Variants in CNTN4 observed in about 807,000 individuals in gnomAD.
CNTN4 encodes the protein contactin 4, also known as contactin-4.
A neutral mutation model predicts 122.5 loss-of-function variants in CNTN4; 77 were observed. That is an observed-to-expected ratio of 0.63 (90% CI 0.52 to 0.76). The LOEUF is 0.76. Ranked by LOEUF, CNTN4 falls within the 30% of genes least tolerant of loss-of-function variation. The pLI, the probability that CNTN4 is intolerant of heterozygous loss-of-function variation, is 0.00. For synonymous variants in CNTN4, 512 were observed against 447.0 expected (o/e 1.15, Z -1.83); for missense variants, 1,256 against 1,259.1 (o/e 1.00, Z 0.04).
intron 8 of CNTN4, among the ~76,000 whole-genome samples, chr3:2,868,536 A>G (rs2093749559): frequency 6.6e-6 from 1 of 152,230 alleles, no homozygotes; most frequent in African/African-American, 2.4e-5. Context: ...TGAACCTTCC[A>G]GAACAAAGTA....
intron 3 of CNTN4, among the ~76,000 whole-genome samples, chr3:2,438,678 C>T (rs959363820): frequency 6.6e-6 from 1 of 152,168 alleles, no homozygotes. Context: ...TGACTCAGTA[C>T]AGTTAATGAT....
intron 3 of CNTN4, among the ~76,000 whole-genome samples, chr3:2,476,262 A>G (rs2075831291): frequency 6.6e-6 from 1 of 152,178 alleles, no homozygotes; most frequent in East Asian, 1.9e-4. Flanking sequence ...GAGGCAGAGT[A>G]GGTTAAGTAC....
At chr3:2,789,808 A>G (rs902486242) in intron 6 of CNTN4, among the ~76,000 whole-genome samples, 1 of 152,232 alleles carries the variant, frequency 6.6e-6, no homozygotes, top group Non-Finnish European at 1.5e-5. Context: ...TTAAAAAGCT[A>G]AATTAGAGGA....
chr3:2,164,281 C>T (rs1411692847), intron 2 of CNTN4, among the ~76,000 whole-genome samples: 2 of 151,050 alleles, frequency 1.3e-5, no homozygotes, highest in Non-Finnish European at 2.9e-5. Flanking sequence ...TAGTAAATAT[C>T]AGAATGGATG....
chr3:2,325,949 CT>C (rs1276349380), intron 2 of CNTN4, among the ~76,000 whole-genome samples: 1 of 152,102 alleles, frequency 6.6e-6, no homozygotes, highest in African/African-American at 2.4e-5. Flanking sequence ...AAAATTATAA[CT>C]TGATACAGAG....
At chr3:2,912,444 T>C (rs527507940) in intron 12 of CNTN4, among the ~76,000 whole-genome samples, 1 of 152,330 alleles carries the variant, frequency 6.6e-6, no homozygotes, top group African/African-American at 2.4e-5. Context: ...AAGGGAGTCC[T>C]TCAAGTTGAA....
chr3:2,270,724 C>G (rs1373504666), intron 2 of CNTN4, among the ~76,000 whole-genome samples: 1 of 152,114 alleles, frequency 6.6e-6, no homozygotes, highest in Non-Finnish European at 1.5e-5. Flanking sequence ...GCTAGTGTGA[C>G]AGAAAATGGA....
intron 4 of CNTN4, among the ~76,000 whole-genome samples, chr3:2,732,979 A>G (rs2088810901): frequency 1.3e-5 from 2 of 152,224 alleles, no homozygotes; most frequent in African/African-American, 4.8e-5. Context: ...GGAATGCATT[A>G]TTTATAGTGA....
intron 6 of CNTN4, among the ~76,000 whole-genome samples, chr3:2,774,377 C>T (rs1461168093): frequency 6.6e-6 from 1 of 152,168 alleles, no homozygotes; most frequent in Non-Finnish European, 1.5e-5. Flanking sequence ...TTCCTACCGC[C>T]ATTGTTCCTT....
At chr3:2,777,971 T>C (rs555740581) in intron 6 of CNTN4, among the ~76,000 whole-genome samples, 138 of 152,102 alleles carry the variant, frequency 9.1e-4, no homozygotes, top group African/African-American at 2.9e-3. Context: ...TGCCAGCACT[T>C]TGGGAGGCCG....
chr3:2,417,528 A>G (rs2047459311), intron 3 of CNTN4, among the ~76,000 whole-genome samples: 1 of 152,176 alleles, frequency 6.6e-6, no homozygotes, highest in African/African-American at 2.4e-5. Flanking sequence ...CTGCCAGGAG[A>G]CCTCTAGGGG....
rs115759735 is a variant in CNTN4, at chr3:2,987,363, C to T, written c.1359-982C>T. Among the ~76,000 whole-genome samples the T allele has an allele frequency of 7.5e-3, 1,137 of 152,194 alleles. 14 individuals are homozygous for T. The highest frequency in any genetic ancestry group is 0.025 in the African/African-American group (1,044 of 41,502). ...CTTTAAGCCAGGAGAGTGATATAAT[C>T]GGATTTAAATTTTAAAAGATCATCT... On this transcript the variant is annotated intron_variant, in intron 13 of 24. Transcript: ENST00000418658.
chr3:2,990,090 T>G (rs1694926010), intron 14 of CNTN4, among the ~76,000 whole-genome samples: 1 of 152,150 alleles, frequency 6.6e-6, no homozygotes, highest in Non-Finnish European at 1.5e-5. Context: ...TGGAGTCGCT[T>G]TGATAACTGT....
chr3:2,404,055 T>C (rs2046947201), intron 3 of CNTN4, among the ~76,000 whole-genome samples: 1 of 152,190 alleles, frequency 6.6e-6, no homozygotes, highest in Non-Finnish European at 1.5e-5. Context: ...TTATTGTGCA[T>C]GAGGCTCTAT....
intron 3 of CNTN4, among the ~76,000 whole-genome samples, chr3:2,514,195 C>T (rs1370085587): frequency 1.3e-5 from 2 of 152,160 alleles, no homozygotes; most frequent in Non-Finnish European, 2.9e-5. Context: ...CCGGCTTAAG[C>T]ACAAAGAGGA....
intron 3 of CNTN4, among the ~76,000 whole-genome samples, chr3:2,428,404 A>G (rs570253099): frequency 6.6e-6 from 1 of 151,724 alleles, no homozygotes. Context: ...TTGGCCCCCA[A>G]CTCTCTTCTG....
chr3:2,835,027 T>C (rs1228035976), intron 7 of CNTN4, among the ~76,000 whole-genome samples: 4 of 149,992 alleles, frequency 2.7e-5, no homozygotes, highest in Non-Finnish European at 5.9e-5. Context: ...GCTTCAGCCT[T>C]CCCAGTAGCT....
intron 3 of CNTN4, among the ~76,000 whole-genome samples, chr3:2,541,784 G>A (rs375198811): frequency 6.6e-6 from 1 of 152,084 alleles, no homozygotes; most frequent in South Asian, 2.1e-4. Context: ...AGGCTGTACT[G>A]GTGCCACTGT....
At position 2,287,669 on chromosome 3, in the gene CNTN4, AGAAGAAGAAGAAGAAGAAGAAGAG is replaced by A. The variant is rs1559415454; in HGVS notation, c.-144-51491_-144-51468del. Among the ~76,000 whole-genome samples the A allele has an allele frequency of 5.4e-3, 306 of 56,580 alleles. 1 individual carries two copies. Among genetic ancestry groups the A allele is most frequent in the East Asian group, 7.4e-3 (22 of 2,982 alleles). 37.1% of individuals were successfully genotyped at this position (56,580 alleles called of 152,430 possible). A position where few individuals can be genotyped will look rare whatever the true frequency, so the allele number is the denominator to read the frequency against. ...AAGAAGAAGAAGAAGAAGAAGAAGA[AGAAGAAGAAGAAGAAGAAGAAGAG>A]GAAGAAGAAGAAGAAGAGGAAGAAG... On this transcript the variant is annotated intron_variant, in intron 2 of 24. Coordinates refer to ENST00000418658, the MANE Select transcript of CNTN4 (RefSeq NM_175607.3).
Sources: gnomAD v4.1 joint callset for allele counts (sites outside exome capture counted in the v4.1 genomes callset) on GRCh38, gnomAD v4.1.1 for gene constraint, MANE v1.5 for transcripts, NCBI Gene and HGNC (gene_info 2026-07-23, HGNC 2026-07-21) for gene names.